Variants in TMEM14C observed in about 807,000 individuals in gnomAD.
TMEM14C encodes the protein chromosome 6 open reading frame 53.
In TMEM14C, 13 loss-of-function variants were observed where a neutral mutation model predicts 14.8. That is an observed-to-expected ratio of 0.88 (90% CI 0.57 to 1.40). The LOEUF (loss-of-function observed/expected upper bound fraction) is 1.40, where lower values mean the gene tolerates loss of function less well. Ranked by LOEUF, TMEM14C falls within the 40% of genes most tolerant of loss-of-function variation. The pLI, the probability that TMEM14C is intolerant of heterozygous loss-of-function variation, is 0.00. For missense variants in TMEM14C, 142 were observed against 138.8 expected, an observed-to-expected ratio of 1.02 and a Z score of -0.12; for synonymous variants, 57 against 51.3, an observed-to-expected ratio of 1.11 and a Z score of -0.48.
At position 10,723,149 on chromosome 6, in the gene TMEM14C, G is replaced by T. The variant is rs1770732377; in HGVS notation, c.-137G>T. ...CCTCTCCTCGCCCCGCCACCGGGAC[G>T]GAGAGCGCCCGCCGCTGCATTTCCG... On this transcript the variant is annotated 5_prime_UTR_variant, in exon 1 of 6. Coordinates refer to ENST00000229563, the MANE Select transcript of TMEM14C (RefSeq NM_016462.4). 3 of 152,338 alleles carry T rather than the reference G, an allele frequency of 2.0e-5. No homozygotes were observed. In the South Asian group the frequency reaches 6.2e-4, roughly 32 times the overall value. The allele number at this position is 152,338 out of a possible 1,614,324, so 9.4% of individuals were successfully genotyped here.
chr6:10,725,998 G>T lies in TMEM14C; in HGVS notation c.189G>T (p.Trp63Cys). The change falls in exon 4 of 6, where the codon TGG (tryptophan) becomes TGT (cysteine). Residue 63 changes from tryptophan (W) to cysteine (C), a missense_variant. Coordinates refer to ENST00000229563, the MANE Select transcript of TMEM14C (RefSeq NM_016462.4). ...YQLSQDPRNV[W>C]VFLATSGTLA... Reference sequence around the variant, plus strand: ...TGTCTCAGGATCCAAGGAACGTTTGGGTTTTCCTAGGTATGTCTGCTTTGG... The same window carrying T: ...TGTCTCAGGATCCAAGGAACGTTTGTGTTTTCCTAGGTATGTCTGCTTTGG... 4.3e-6 allele frequency: 7 copies of T among 1,613,996 alleles called. No homozygotes were observed. The highest frequency in any genetic ancestry group is 1.1e-5 in the South Asian group (1 of 91,082).
rs1312779316 is a variant in TMEM14C at position 10,728,707 on chromosome 6, A to G, written c.267A>G (p.Ala89=). The change falls in exon 5 of 6, where the codon GCA becomes GCG. Residue 89 remains alanine (A), a synonymous_variant. Transcript: ENST00000229563. ...RFYHSGKFMP[A]GLIAGASLLM... ...ACCACTCTGGAAAATTCATGCCTGC[A>G]GGTTTAATTGCAGGTGCCAGGTACT... The G allele has an allele frequency of 3.1e-6, 5 of 1,614,232 alleles. No individual in the cohort carries two copies. The highest frequency in any genetic ancestry group is 2.2e-5 in the East Asian group (1 of 44,886).
Position 10,724,460 on chromosome 6 carries a change from G to A in TMEM14C, c.-44-110G>A, listed in dbSNP as rs1770795378. 4.3e-6 allele frequency: 3 copies of A among 701,606 alleles called. No homozygotes were observed. The Admixed American group carries it at 6.9e-5, about 16-fold the overall frequency. The allele number at this position is 701,606 out of a possible 1,614,324, so 43.5% of individuals were successfully genotyped here. On this transcript the variant is annotated intron_variant, in intron 1 of 5. Coordinates refer to ENST00000229563, the MANE Select transcript of TMEM14C (RefSeq NM_016462.4). ...GTACCAGTGTTATCCTCATGGTACA[G>A]TGAAGAATACTGAGACTTAGGTTGC...
chr6:10,730,532 G>T, intron 5 of TMEM14C, 83 bp from the exon 6 acceptor site: 2 of 1,376,198 alleles, frequency 1.5e-6, no homozygotes, highest in South Asian at 1.3e-5. Flanking sequence ...CAGTTGTGAG[G>T]AACCAGCAGT....
chr6:10,728,538 G>C, intron 4 of TMEM14C, 102 bp from the exon 5 acceptor site: 1 of 1,201,254 alleles, frequency 8.3e-7, no homozygotes, highest in Non-Finnish European at 1.2e-6. Flanking sequence ...AGCATAGGAT[G>C]AGGCGTGAGC....
chr6:10,726,397 A>C (rs1301470100), intron 4 of TMEM14C, among the ~76,000 whole-genome samples: 8 of 152,216 alleles, frequency 5.3e-5, no homozygotes, highest in Admixed American at 3.9e-4. Context: ...TCACCTCTTT[A>C]GCAGTTAGCT....
intron 5 of TMEM14C, among the ~76,000 whole-genome samples, chr6:10,729,239 G>A (rs1375399922): frequency 1.3e-5 from 2 of 152,118 alleles, no homozygotes; most frequent in African/African-American, 4.8e-5. Flanking sequence ...GGGTTCAAGC[G>A]ATTCTCATGC....
At chr6:10,728,853 A>G (rs1475032303) in intron 5 of TMEM14C, 126 bp downstream of exon 5, 3 of 1,541,762 alleles carry the variant, frequency 1.9e-6, no homozygotes, top group Admixed American at 1.9e-5. Context: ...CATTTGATAT[A>G]TACACTAATA....
intron 4 of TMEM14C, among the ~76,000 whole-genome samples, chr6:10,727,452 A>G (rs62397704): frequency 0.53 from 80,038 of 151,476 alleles, 22,262 homozygotes; most frequent in South Asian, 0.64. Context: ...CAATTCTCCT[A>G]TCTCAGCCTT....
chr6:10,726,706 T>C (rs754553180), intron 4 of TMEM14C, among the ~76,000 whole-genome samples: 2 of 151,948 alleles, frequency 1.3e-5, no homozygotes, highest in Non-Finnish European at 2.9e-5. Context: ...ACAAAAAACA[T>C]AGGCATAGAA....
At chr6:10,727,074 T>C (rs190592587) in intron 4 of TMEM14C, among the ~76,000 whole-genome samples, 1 of 152,162 alleles carries the variant, frequency 6.6e-6, no homozygotes, top group African/African-American at 2.4e-5. Context: ...TCTCTGATGC[T>C]ACTCTACTCA....
rs1190898897 is a variant in TMEM14C at position 10,725,939 on chromosome 6, T to C, written c.130T>C (p.Phe44Leu). The C allele has an allele frequency of 6.2e-7, 1 of 1,614,006 alleles. No individual in the cohort carries two copies. Among genetic ancestry groups the C allele is most frequent in the Non-Finnish European group, 8.5e-7 (1 of 1,180,020 alleles). Residue 44 changes from phenylalanine to leucine, a missense_variant, in exon 4 of 6, where the codon TTT becomes CTT. Physicochemically the swap from Phe to Leu is conservative, Grantham distance 22 (BLOSUM62 0). Transcript: ENST00000229563. ...SVPSLAAGLL[F>L]GSLAGLGAYQ... ...GCCGTCCCTGGCTGCAGGGCTGCTC[T>C]TTGGCAGTCTAGCCGGCCTGGGTGC...
chr6:10,726,058 CT>C, intron 4 of TMEM14C, 50 bp downstream of exon 4: 1 of 1,606,462 alleles, frequency 6.2e-7, no homozygotes, highest in South Asian at 1.1e-5. Flanking sequence ...CCAGAATACT[CT>C]TTTCCAAAAG....
At chr6:10,726,103 C>T in intron 4 of TMEM14C, 95 bp downstream of exon 4, 1 of 1,371,992 alleles carries the variant, frequency 7.3e-7, no homozygotes, top group Non-Finnish European at 1.0e-6. Flanking sequence ...GAGTTCTTCA[C>T]ACTTCACTTA....
At chr6:10,729,697 C>T (rs2127489273) in intron 5 of TMEM14C, among the ~76,000 whole-genome samples, 1 of 152,238 alleles carries the variant, frequency 6.6e-6, no homozygotes, top group East Asian at 1.9e-4. Flanking sequence ...AGAATTGCTT[C>T]AACCTGGGAA....
Position 10,730,778 on chromosome 6 carries a change from TAA to T in TMEM14C, c.*120_*121del. 7.3e-7 allele frequency: 1 copy of T among 1,374,370 alleles called. No homozygotes were observed. The highest frequency in any genetic ancestry group is 9.5e-7 in the Non-Finnish European group (1 of 1,052,714). The allele number at this position is 1,374,370 out of a possible 1,614,324, so 85.1% of individuals were successfully genotyped here. On this transcript the variant is annotated 3_prime_UTR_variant, in exon 6 of 6. Transcript: ENST00000229563. ...GCATTTTTGCATCTGACATTTTACC[TAA>T]AAAAAAAGACACCAAACTTGGCAGA...
chr6:10,727,217 G>A (rs1770889545), intron 4 of TMEM14C, among the ~76,000 whole-genome samples: 1 of 152,122 alleles, frequency 6.6e-6, no homozygotes, highest in Non-Finnish European at 1.5e-5. Flanking sequence ...TCTGGGCTTT[G>A]GGTGTCTTCT....
intron 4 of TMEM14C, among the ~76,000 whole-genome samples, chr6:10,727,290 T>C (rs1770891143): frequency 6.6e-6 from 1 of 152,098 alleles, no homozygotes. Context: ...ATTCCTCCTT[T>C]TAGGTGGATC....
rs763970109 is a variant in TMEM14C at position 10,725,953 on chromosome 6, C to T, written c.144C>T (p.Ala48=). The T allele has an allele frequency of 5.1e-5, 83 of 1,613,988 alleles. No homozygotes were observed. In the Admixed American group the frequency reaches 5.5e-4, roughly 11 times the overall value. The part of the protein sequence containing the change: ...LAAGLLFGSL[A]GLGAYQLSQD... ...CAGGGCTGCTCTTTGGCAGTCTAGC[C>T]GGCCTGGGTGCTTACCAGCTGTCTC... Residue 48 remains alanine, a synonymous_variant, in exon 4 of 6, where the codon GCC becomes GCT. Coordinates refer to ENST00000229563, the MANE Select transcript of TMEM14C (RefSeq NM_016462.4).
Sources: gnomAD v4.1 joint callset for allele counts (sites outside exome capture counted in the v4.1 genomes callset) on GRCh38, gnomAD v4.1.1 for gene constraint, MANE v1.5 for transcripts, NCBI Gene and HGNC (gene_info 2026-07-23, HGNC 2026-07-21) for gene names.